TMF1: variants seen among roughly 807,000 people sequenced by gnomAD.
The protein encoded by TMF1 is TATA element modulatory factor 1.
A neutral mutation model predicts 126.5 loss-of-function variants in TMF1; 71 were observed. The observed-to-expected ratio is 0.56, with a 90% CI of 0.46 to 0.68. TMF1 has a LOEUF of 0.68. TMF1 is among the 30% of genes least tolerant of loss of function. TMF1 has a pLI of 0.00. For synonymous variants in TMF1, 461 were observed against 430.5 expected, an observed-to-expected ratio of 1.07 and a Z score of -0.88; for missense variants, 1,259 against 1,253.2, an observed-to-expected ratio of 1.00 and a Z score of -0.07.
intron 13 of TMF1, 105 bp downstream of exon 13, chr3:69,027,795 T>C (rs975880089): frequency 6.8e-6 from 4 of 587,788 alleles, no homozygotes; most frequent in Admixed American, 3.7e-5. Context: ...GGGCCACAGG[T>C]TGGACAAGCT....
Position 69,052,284 on chromosome 3 carries a change from C to A in TMF1, c.-198G>T, listed in dbSNP as rs1403922993. 1 of 491,192 alleles carries A rather than the reference C, an allele frequency of 2.0e-6. No homozygotes were observed. The highest frequency in any genetic ancestry group is 3.5e-6 in the Non-Finnish European group (1 of 283,366). 30.4% of individuals were successfully genotyped at this position (491,192 alleles called of 1,614,324 possible). A position where few individuals can be genotyped will look rare whatever the true frequency, so the allele number is the denominator to read the frequency against. On this transcript the variant is annotated 5_prime_UTR_variant, in exon 1 of 17. Transcript: ENST00000398559. ...CCCGCACAGCTGAGACGAAGGGGGCCCATGTGCGCATGCGCTTGCTTCTTC... is the reference window on the plus strand; with the variant it reads ...CCCGCACAGCTGAGACGAAGGGGGCACATGTGCGCATGCGCTTGCTTCTTC...
rs2091890764 is a variant in TMF1 at position 69,045,540 on chromosome 3, T to G, written c.1348-945A>C. On this transcript the variant is annotated intron_variant, in intron 2 of 16. Transcript: ENST00000398559. ...CATGCCTGTAATCCCAGCACTTTGGTAGGCTGAGGAGGGCAGATCACTTGA... is the reference window on the plus strand; with the variant it reads ...CATGCCTGTAATCCCAGCACTTTGGGAGGCTGAGGAGGGCAGATCACTTGA... 5.3e-5 allele frequency among the ~76,000 whole-genome samples: 8 copies of G among 149,546 alleles called. No homozygotes were observed. The East Asian group carries it at 6.0e-4, about 11-fold the overall frequency.
In TMF1 at chr3:69,035,015, G is replaced by A. The variant is rs1447088928; in HGVS notation, c.2244+8C>T. ...TTGGATTTGTGTTTTGGAAACCTGT[G>A]ACAGTACCTGCTGAAGTTCACCGAT... On this transcript the variant is annotated splice_region_variant and intron_variant, in intron 9 of 16. Coordinates refer to ENST00000398559, the MANE Select transcript of TMF1 (RefSeq NM_007114.3). 6.2e-7 allele frequency: 1 copy of A among 1,611,864 alleles called. No homozygotes were observed. Among genetic ancestry groups the A allele is most frequent in the Non-Finnish European group, 8.5e-7 (1 of 1,178,020 alleles).
At chr3:69,034,178 T>C (rs1210134924) in intron 9 of TMF1, among the ~76,000 whole-genome samples, 1 of 152,128 alleles carries the variant, frequency 6.6e-6, no homozygotes, top group Non-Finnish European at 1.5e-5. Context: ...AGTATCTAAA[T>C]AAGTACTTCT....
rs1011820310 is a variant in TMF1, at chr3:69,052,258, TC to T, written c.-173del. On this transcript the variant is annotated 5_prime_UTR_variant, in exon 1 of 17. The change creates a premature stop within an existing upstream ORF in the 5' untranslated region. Transcript: ENST00000398559. ...AGCCCGGGATGTTACCCTCGGCCGT[TC>T]CCGCACAGCTGAGACGAAGGGGGCC... The T allele has an allele frequency of 1.6e-6, 1 of 633,668 alleles. No homozygotes were observed. The highest frequency in any genetic ancestry group is 3.5e-5 in the Admixed American group (1 of 28,642). The allele number at this position is 633,668 out of a possible 1,614,324, so 39.3% of individuals were successfully genotyped here.
chr3:69,042,576 C>T (rs1215088193), intron 5 of TMF1: 2 of 623,628 alleles, frequency 3.2e-6, no homozygotes, highest in Non-Finnish European at 5.9e-6. Flanking sequence ...GTCTATTTTA[C>T]AGGGACTTAC....
Position 69,050,486 on chromosome 3 carries a change from T to G in TMF1, c.142+1459A>C, listed in dbSNP as rs149374059. 1.4e-3 allele frequency among the ~76,000 whole-genome samples: 213 copies of G among 152,304 alleles called. 1 individual carries two copies. In the East Asian group the frequency reaches 0.031, roughly 22 times the overall value. ...ACATTCAAAAGATGACAGGAATTAATTTTGCCTCTTGGAGAATACTTTATA... is the reference window on the plus strand; with the variant it reads ...ACATTCAAAAGATGACAGGAATTAAGTTTGCCTCTTGGAGAATACTTTATA... On this transcript the variant is annotated intron_variant, in intron 1 of 16. Coordinates refer to ENST00000398559, the MANE Select transcript of TMF1 (RefSeq NM_007114.3).
intron 10 of TMF1, among the ~76,000 whole-genome samples, chr3:69,031,102 C>T (rs1348126659): frequency 6.6e-6 from 1 of 152,132 alleles, no homozygotes; most frequent in African/African-American, 2.4e-5. Context: ...CTGTGTGAAC[C>T]TCTTCCTGGG....
chr3:69,039,026 CA>C lies in TMF1; in HGVS notation c.1828-18del, dbSNP rs752463828. On this transcript the variant is annotated intron_variant, in intron 6 of 16. Coordinates refer to ENST00000398559, the MANE Select transcript of TMF1 (RefSeq NM_007114.3). ...ATCAAGGACCTATATGTTATAAAAA[CA>C]GACAAAAGTATTTTTCAAGAAATAA... 4.0e-6 allele frequency: 6 copies of C among 1,497,746 alleles called. No homozygotes were observed. The highest frequency in any genetic ancestry group is 5.4e-6 in the Non-Finnish European group (6 of 1,118,586). 92.8% of individuals were successfully genotyped at this position (1,497,746 alleles called of 1,614,324 possible). A position where few individuals can be genotyped will look rare whatever the true frequency, so the allele number is the denominator to read the frequency against.
intron 6 of TMF1, 140 bp downstream of exon 6, chr3:69,039,411 T>A (rs1201183053): frequency 2.0e-6 from 2 of 999,584 alleles, no homozygotes; most frequent in African/African-American, 1.7e-5. Context: ...TAAAAAATCT[T>A]ATCATTTATC....
rs1559626476 is a variant in TMF1, at chr3:69,020,413, T to C, written c.*2764A>G. On this transcript the variant is annotated 3_prime_UTR_variant, in exon 17 of 17. Transcript: ENST00000398559. ...CCAAGAATTGGAAGGACATCTACAG[T>C]CTGTGCTTAATTGTCTATAAATGAC... 6.6e-6 allele frequency: 1 copy of C among 152,190 alleles called. No homozygotes were observed. The highest frequency in any genetic ancestry group is 1.5e-5 in the Non-Finnish European group (1 of 68,000). The allele number at this position is 152,190 out of a possible 1,614,324, so 9.4% of individuals were successfully genotyped here. A position where few individuals can be genotyped will look rare whatever the true frequency, so the allele number is the denominator to read the frequency against.
chr3:69,020,826 TAAA>T lies in TMF1; in HGVS notation c.*2348_*2350del, dbSNP rs1156875669. On this transcript the variant is annotated 3_prime_UTR_variant, in exon 17 of 17. Coordinates refer to ENST00000398559, the MANE Select transcript of TMF1 (RefSeq NM_007114.3). ...TGTAACTAGAAATTGTTAATACGGA[TAAA>T]AAAAGAATGTTTAATTTTATAAAAT... 6.6e-6 allele frequency: 1 copy of T among 152,124 alleles called. No homozygotes were observed. The highest frequency in any genetic ancestry group is 1.5e-5 in the Non-Finnish European group (1 of 67,986). 9.4% of individuals were successfully genotyped at this position (152,124 alleles called of 1,614,324 possible). A position where few individuals can be genotyped will look rare whatever the true frequency, so the allele number is the denominator to read the frequency against.
intron 3 of TMF1, 64 bp from the exon 4 acceptor site, chr3:69,043,940 T>C (rs1423766714): frequency 3.0e-6 from 4 of 1,328,112 alleles, no homozygotes; most frequent in Non-Finnish European, 4.1e-6. Context: ...TATACATGAG[T>C]TCAATTCTCA....
Position 69,051,931 on chromosome 3 carries a change from CCTCT to C in TMF1, c.142+10_142+13del. The C allele has an allele frequency of 1.2e-6, 2 of 1,611,170 alleles. No individual in the cohort carries two copies. Among genetic ancestry groups the C allele is most frequent in the Non-Finnish European group, 1.7e-6 (2 of 1,178,576 alleles). On this transcript the variant is annotated intron_variant, in intron 1 of 16. Coordinates refer to ENST00000398559, the MANE Select transcript of TMF1 (RefSeq NM_007114.3). Reference sequence around the variant, plus strand: ...GCCTCCGGGAGCCAGGAACCCCGCTCCTCTCTCTCTTACCCGGCTCTCCATACGG... The same window carrying C: ...GCCTCCGGGAGCCAGGAACCCCGCTCCTCTCTTACCCGGCTCTCCATACGG...
chr3:69,027,532 A>G (rs1292908713), intron 13 of TMF1, among the ~76,000 whole-genome samples: 2 of 152,220 alleles, frequency 1.3e-5, no homozygotes, highest in African/African-American at 2.4e-5. Flanking sequence ...TTATAATACT[A>G]GAATTCATCA....
chr3:69,038,318 G>T (rs911427336), intron 8 of TMF1, among the ~76,000 whole-genome samples: 1 of 152,054 alleles, frequency 6.6e-6, no homozygotes, highest in South Asian at 2.1e-4. Context: ...TTCTAAGAGG[G>T]TTCCTAGCTT....
intron 6 of TMF1, 96 bp downstream of exon 6, chr3:69,039,455 C>T: frequency 2.3e-6 from 3 of 1,295,628 alleles, no homozygotes; most frequent in Non-Finnish European, 3.2e-6. Flanking sequence ...CATGATATAC[C>T]CCATTAAATC....
Position 69,027,932 on chromosome 3 carries a change from C to T in TMF1, c.2725G>A (p.Ala909Thr), listed in dbSNP as rs1314525188. 5 of 1,585,244 alleles carry T rather than the reference C, an allele frequency of 3.2e-6. No individual in the cohort carries two copies. The African/African-American group carries it at 4.0e-5, about 13-fold the overall frequency. ...RMKVEQERKK[A>T]IFTQETIKEK... ...TTTATTGTTTCTTGAGTAAAAATGG[C>T]TTTCTTCCTTTCTTGTTCAACTTTC... The change falls in exon 13 of 17, where the codon GCC becomes ACC. Residue 909 changes from alanine to threonine, a missense_variant. Transcript: ENST00000398559.
chr3:69,040,811 A>G (rs757709612), intron 5 of TMF1, among the ~76,000 whole-genome samples: 32 of 151,876 alleles, frequency 2.1e-4, no homozygotes, highest in Non-Finnish European at 3.4e-4. Flanking sequence ...AGTCTCAGCT[A>G]TTCGGGAGGC....
Sources: gnomAD v4.1 joint callset for allele counts (sites outside exome capture counted in the v4.1 genomes callset) on GRCh38, gnomAD v4.1.1 for gene constraint, MANE v1.5 for transcripts, NCBI Gene and HGNC (gene_info 2026-07-23, HGNC 2026-07-21) for gene names.